Variants in SYNPO2 observed in about 807,000 individuals in gnomAD.
SYNPO2 encodes synaptopodin 2.
Under a neutral mutation model 85.0 loss-of-function variants are expected in SYNPO2, and 56 were observed. The observed-to-expected ratio is 0.66, with a 90% CI of 0.53 to 0.82. The LOEUF (loss-of-function observed/expected upper bound fraction) is 0.82. Among genes scored for constraint, SYNPO2 ranks in the 40% least tolerant of loss-of-function variants. The probability of loss-of-function intolerance (pLI) is 0.00; values close to 1 mark genes in which losing one functional copy is unlikely to be tolerated. For synonymous variants in SYNPO2, 602 were observed against 591.1 expected (o/e 1.02, Z -0.27); for missense variants, 1,575 against 1,534.2 (o/e 1.03, Z -0.44).
chr4:119,006,046 GCTTCCTTAGCAA>G (rs1352137252), intron 1 of SYNPO2: 1 of 152,890 alleles, frequency 6.5e-6, no homozygotes, highest in Admixed American at 6.5e-5. Context: ...AAAGATGTCT[GCTTCCTTAGCAA>G]CAGGAAGCTG....
At chr4:118,907,190 G>A (rs1000737149) in intron 1 of SYNPO2, among the ~76,000 whole-genome samples, 6 of 152,044 alleles carry the variant, frequency 3.9e-5, no homozygotes, top group South Asian at 2.1e-4. Context: ...CCCACCATAC[G>A]AAAATGTAAT....
At chr4:119,053,921 T>C (rs966587097) in intron 4 of SYNPO2, among the ~76,000 whole-genome samples, 2 of 152,232 alleles carry the variant, frequency 1.3e-5, no homozygotes, top group Non-Finnish European at 2.9e-5. Flanking sequence ...GAGATTTCTG[T>C]AAAGTCTTAG....
intron 1 of SYNPO2, among the ~76,000 whole-genome samples, chr4:118,958,467 C>T (rs766908880): frequency 1.8e-4 from 28 of 152,026 alleles, no homozygotes; most frequent in Admixed American, 1.2e-3. Flanking sequence ...GCTTGGGAGG[C>T]TTAAGGACCT....
chr4:118,890,253 G>A (rs748024004), intron 1 of SYNPO2, among the ~76,000 whole-genome samples: 7 of 150,490 alleles, frequency 4.7e-5, no homozygotes, highest in Non-Finnish European at 7.4e-5. Context: ...AAATCCTTTC[G>A]TAATGTGATG....
At chr4:118,868,151 T>A (rs113672271) in intron 1 of SYNPO2, among the ~76,000 whole-genome samples, 60 of 151,244 alleles carry the variant, frequency 4.0e-4, no homozygotes, top group African/African-American at 1.4e-3. Flanking sequence ...TTTTACATAT[T>A]AAAAAAAATT....
intron 1 of SYNPO2, among the ~76,000 whole-genome samples, chr4:118,978,572 A>G (rs1439886463): frequency 6.6e-6 from 1 of 152,164 alleles, no homozygotes; most frequent in African/African-American, 2.4e-5. Context: ...TACTATATAT[A>G]TGTGTATTCC....
chr4:118,854,099 T>TA (rs1731467892), intron 1 of SYNPO2, among the ~76,000 whole-genome samples: 1 of 152,210 alleles, frequency 6.6e-6, no homozygotes, highest in Non-Finnish European at 1.5e-5. Flanking sequence ...AAGCTAATGA[T>TA]AAAAGTGTCA....
intron 1 of SYNPO2, among the ~76,000 whole-genome samples, chr4:119,017,644 A>G (rs996158573): frequency 2.0e-5 from 3 of 152,118 alleles, no homozygotes; most frequent in East Asian, 1.9e-4. Flanking sequence ...ACTTCATCAT[A>G]TGGATTGAGA....
At chr4:118,900,059 G>T (rs538950159) in intron 1 of SYNPO2, among the ~76,000 whole-genome samples, 376 of 152,266 alleles carry the variant, frequency 2.5e-3, no homozygotes, top group African/African-American at 7.4e-3. Context: ...ACCGCACCCG[G>T]CCTGCTGTAC....
At chr4:118,983,313 T>C (rs1182921617) in intron 1 of SYNPO2, among the ~76,000 whole-genome samples, 3 of 152,152 alleles carry the variant, frequency 2.0e-5, no homozygotes, top group Admixed American at 1.3e-4. Context: ...CTTTCCAGCA[T>C]CTATTCTCTC....
intron 1 of SYNPO2, among the ~76,000 whole-genome samples, chr4:119,018,940 A>C (rs1045081424): frequency 1.2e-4 from 19 of 152,180 alleles, no homozygotes; most frequent in Admixed American, 1.3e-4. Flanking sequence ...ATGTATCCAT[A>C]ATAATTTTAA....
rs780057704 is a variant in SYNPO2 at position 119,027,100 on chromosome 4, T to A, written c.731T>A (p.Ile244Asn). 3.1e-6 allele frequency: 5 copies of A among 1,613,936 alleles called. No homozygotes were observed. The highest frequency in any genetic ancestry group is 4.2e-6 in the Non-Finnish European group (5 of 1,179,988). Residue 244 changes from isoleucine (I) to asparagine (N), a missense_variant, in exon 3 of 5, where the codon ATC (isoleucine) becomes AAC (asparagine). Transcript: ENST00000307142. ...SHDRIVHINS[I>N]PTNEKADPFL... Reference sequence around the variant, plus strand: ...GACAGGATTGTCCACATAAATTCGATCCCTACTAATGAGAAAGCAGACCCT... The same window carrying A: ...GACAGGATTGTCCACATAAATTCGAACCCTACTAATGAGAAAGCAGACCCT...
At chr4:118,992,123 TG>T (rs1266237597) in intron 1 of SYNPO2, among the ~76,000 whole-genome samples, 1 of 152,080 alleles carries the variant, frequency 6.6e-6, no homozygotes, top group Non-Finnish European at 1.5e-5. Flanking sequence ...GGTCAGATTG[TG>T]GGGGATCTTG....
chr4:119,023,638 T>C (rs948778748), intron 2 of SYNPO2, 57 bp downstream of exon 2: 58 of 1,559,294 alleles, frequency 3.7e-5, no homozygotes, highest in Non-Finnish European at 4.9e-5. Flanking sequence ...GGAATGATTA[T>C]AGCTTTTACT....
chr4:118,992,457 G>A (rs1736450382), intron 1 of SYNPO2, among the ~76,000 whole-genome samples: 1 of 152,128 alleles, frequency 6.6e-6, no homozygotes, highest in Non-Finnish European at 1.5e-5. Flanking sequence ...CACATTCCAG[G>A]AGCCATCACA....
intron 1 of SYNPO2, among the ~76,000 whole-genome samples, chr4:118,902,225 C>T (rs996062543): frequency 6.6e-6 from 1 of 152,178 alleles, no homozygotes; most frequent in African/African-American, 2.4e-5. Flanking sequence ...CTTCAAATTT[C>T]CTCTTCATCC....
chr4:119,014,044 A>G (rs572078292), intron 1 of SYNPO2, among the ~76,000 whole-genome samples: 2 of 152,310 alleles, frequency 1.3e-5, no homozygotes, highest in South Asian at 4.1e-4. Flanking sequence ...AATTTTCTTT[A>G]TGCATTTCAA....
At chr4:118,901,493 A>G (rs1166692566) in intron 1 of SYNPO2, among the ~76,000 whole-genome samples, 4 of 152,130 alleles carry the variant, frequency 2.6e-5, no homozygotes, top group Admixed American at 2.0e-4. Context: ...TAATCTCACA[A>G]TATGATGAAA....
At chr4:118,887,166 AGTGTGTGTGTGTGT>A (rs71595329), upstream of SYNPO2, among the ~76,000 whole-genome samples, 3 of 139,056 alleles carry the variant, frequency 2.2e-5, no homozygotes, top group Admixed American at 2.2e-4. Flanking sequence ...CATCTGAGTG[AGTGTGTGTGTGTGT>A]GTGTGTGTGT....
Sources: gnomAD v4.1 joint callset for allele counts (sites outside exome capture counted in the v4.1 genomes callset) on GRCh38, gnomAD v4.1.1 for gene constraint, MANE v1.5 for transcripts, NCBI Gene and HGNC (gene_info 2026-07-23, HGNC 2026-07-21) for gene names.